Variants in FRAS1 observed in about 807,000 individuals in gnomAD.
The protein encoded by FRAS1 is extracellular matrix organizing protein FRAS1.
In FRAS1, 290 loss-of-function variants were observed where a neutral mutation model predicts 435.2. The observed-to-expected ratio is 0.67, with a 90% confidence interval of 0.61 to 0.73. FRAS1 has a LOEUF of 0.73. Ranked by LOEUF, FRAS1 falls within the 30% of genes least tolerant of loss-of-function variation. The probability of loss-of-function intolerance (pLI) is 0.00; values close to 1 mark genes in which losing one functional copy is unlikely to be tolerated. For synonymous variants in FRAS1, 1,800 were observed against 1,851.0 expected (o/e 0.97, Z 0.71); for missense variants, 4,860 against 5,001.5 (o/e 0.97, Z 0.85).
At chr4:78,363,692 G>C in intron 21 of FRAS1, 27 bp downstream of exon 21, 1 of 1,562,130 alleles carries the variant, frequency 6.4e-7, no homozygotes, top group Non-Finnish European at 8.7e-7. Flanking sequence ...CTCAGGAGCT[G>C]GAGCTGCCAC....
rs753129165 is a variant in FRAS1, at chr4:78,282,902, C to A, written c.1190C>A (p.Pro397Gln). 1.2e-6 allele frequency: 2 copies of A among 1,612,216 alleles called. No individual in the cohort carries two copies. The highest frequency in any genetic ancestry group is 1.7e-6 in the Non-Finnish European group (2 of 1,179,362). The change falls in exon 12 of 74, where the codon CCA (proline) becomes CAA (glutamine). Residue 397 changes from proline (P) to glutamine (Q), a missense_variant. By Grantham distance (76) the Pro-to-Gln change is moderately conservative (BLOSUM62 -1). Coordinates refer to ENST00000512123, the MANE Select transcript of FRAS1 (RefSeq NM_025074.7). ...AQVTCYEPSC[P>Q]PCPVGTLALE... ...GTAACTTGCTACGAGCCCTCTTGCC[C>A]ACCATGTCCAGTGGGCACACTGGCC...
chr4:78,126,039 A>G (rs1267997257), intron 2 of FRAS1, among the ~76,000 whole-genome samples: 2 of 152,176 alleles, frequency 1.3e-5, no homozygotes, highest in Non-Finnish European at 2.9e-5. Context: ...GGCTCCACCC[A>G]GTTCGAGCTT....
intron 14 of FRAS1, among the ~76,000 whole-genome samples, chr4:78,307,715 G>C (rs1383693352): frequency 3.3e-5 from 5 of 152,344 alleles, no homozygotes; most frequent in African/African-American, 9.6e-5. Flanking sequence ...TGCTTCGGCT[G>C]GCGCATGGTG....
intron 2 of FRAS1, among the ~76,000 whole-genome samples, chr4:78,141,129 G>A (rs1393776478): frequency 1.3e-5 from 2 of 151,950 alleles, no homozygotes; most frequent in Non-Finnish European, 2.9e-5. Flanking sequence ...ATGTGCCATG[G>A]TGGTTTGCTG....
chr4:78,506,119 G>A (rs915142027), intron 61 of FRAS1, among the ~76,000 whole-genome samples: 1 of 152,162 alleles, frequency 6.6e-6, no homozygotes. Context: ...CCTTCCTCTG[G>A]AAGCTTCATC....
chr4:78,459,875 C>T (rs943266286), intron 47 of FRAS1, among the ~76,000 whole-genome samples: 7 of 152,126 alleles, frequency 4.6e-5, no homozygotes, highest in African/African-American at 1.7e-4. Flanking sequence ...CCAAATTTCC[C>T]TTTTTTATGA....
intron 24 of FRAS1, among the ~76,000 whole-genome samples, chr4:78,373,210 G>A (rs898530706): frequency 3.3e-5 from 5 of 152,048 alleles, no homozygotes; most frequent in African/African-American, 1.2e-4. Context: ...AGGAAGACCC[G>A]ATTATTTCAC....
intron 2 of FRAS1, among the ~76,000 whole-genome samples, chr4:78,178,974 C>A (rs779649903): frequency 1.3e-4 from 20 of 152,306 alleles, no homozygotes; most frequent in African/African-American, 1.2e-4. Context: ...GAGCGAAGGG[C>A]AGCCATGACT....
Position 78,161,592 on chromosome 4 carries a change from T to C in FRAS1, c.109-75918T>C, listed in dbSNP as rs116624190. ...AAAGTCTTCATGTTATCTACTTTAT[T>C]ACATCTTTTATTATTAGTTGCCAAA... On this transcript the variant is annotated intron_variant, in intron 2 of 73. Transcript: ENST00000512123. 2.3e-3 allele frequency among the ~76,000 whole-genome samples: 351 copies of C among 151,874 alleles called. 2 individuals carry two copies. Among genetic ancestry groups the C allele is most frequent in the African/African-American group, 8.2e-3 (338 of 41,412 alleles).
chr4:78,139,611 C>G (rs1215650442), intron 2 of FRAS1, among the ~76,000 whole-genome samples: 4 of 152,056 alleles, frequency 2.6e-5, no homozygotes, highest in Non-Finnish European at 4.4e-5. Context: ...CAGTGGGATA[C>G]TTCATTAGTG....
intron 59 of FRAS1, among the ~76,000 whole-genome samples, chr4:78,490,762 A>G (rs899825847): frequency 6.6e-6 from 1 of 152,206 alleles, no homozygotes; most frequent in Non-Finnish European, 1.5e-5. Context: ...GCAAGAGCAA[A>G]CAAATTCAAA....
chr4:78,288,232 T>A (rs544904403), intron 14 of FRAS1, among the ~76,000 whole-genome samples: 1 of 152,360 alleles, frequency 6.6e-6, no homozygotes, highest in East Asian at 1.9e-4. Flanking sequence ...TTAGGTAAAC[T>A]GCTGAAATTT....
chr4:78,329,091 C>T (rs1028309041), intron 18 of FRAS1, among the ~76,000 whole-genome samples: 3 of 152,208 alleles, frequency 2.0e-5, no homozygotes, highest in South Asian at 2.1e-4. Flanking sequence ...TCAGTATCAA[C>T]GTAGACCCAG....
At chr4:78,522,065 T>C (rs1205891371) in intron 68 of FRAS1, among the ~76,000 whole-genome samples, 1 of 152,240 alleles carries the variant, frequency 6.6e-6, no homozygotes, top group African/African-American at 2.4e-5. Flanking sequence ...TACATTTTGA[T>C]TGTTATATTG....
chr4:78,250,129 A>G (rs768171755), intron 4 of FRAS1, among the ~76,000 whole-genome samples: 4 of 152,140 alleles, frequency 2.6e-5, no homozygotes, highest in Non-Finnish European at 5.9e-5. Flanking sequence ...TTTAAACAAT[A>G]ATTTGCTTTC....
intron 4 of FRAS1, among the ~76,000 whole-genome samples, chr4:78,247,342 T>C (rs1725290315): frequency 6.6e-6 from 1 of 152,210 alleles, no homozygotes; most frequent in African/African-American, 2.4e-5. Context: ...GTTATATTTC[T>C]GGTATTTGAT....
intron 2 of FRAS1, among the ~76,000 whole-genome samples, chr4:78,137,932 G>C (rs1719993673): frequency 6.6e-6 from 1 of 152,226 alleles, no homozygotes; most frequent in Non-Finnish European, 1.5e-5. Flanking sequence ...GCAGTGCCTG[G>C]CACATACAGA....
intron 47 of FRAS1, among the ~76,000 whole-genome samples, chr4:78,460,039 C>T (rs939257711): frequency 6.6e-6 from 1 of 152,054 alleles, no homozygotes; most frequent in East Asian, 1.9e-4. Context: ...GCAATTCAAC[C>T]CATCACAAGA....
intron 38 of FRAS1, among the ~76,000 whole-genome samples, chr4:78,434,698 T>A (rs182956271): frequency 5.3e-5 from 8 of 151,956 alleles, no homozygotes; most frequent in Non-Finnish European, 2.9e-5. Context: ...GAGCCAGATA[T>A]GAGATCAACA....
Sources: allele counts gnomAD v4.1 joint callset (sites outside exome capture counted in the v4.1 genomes callset), GRCh38; gene constraint gnomAD v4.1.1; transcripts MANE v1.5; gene names NCBI Gene and HGNC (gene_info 2026-07-23, HGNC 2026-07-21).